Variants in SLC12A6 observed in about 807,000 individuals in gnomAD.
SLC12A6 encodes solute carrier family 12 member 6.
In SLC12A6, 66 loss-of-function variants were observed where a neutral mutation model predicts 135.3. The observed-to-expected ratio is 0.49, with a 90% confidence interval of 0.40 to 0.60. The LOEUF (loss-of-function observed/expected upper bound fraction) is 0.60. SLC12A6 is among the 20% of genes least tolerant of loss of function. The pLI, the probability that SLC12A6 is intolerant of heterozygous loss-of-function variation, is 0.00. For synonymous variants in SLC12A6, 513 were observed against 508.8 expected, an observed-to-expected ratio of 1.01 and a Z score of -0.11; for missense variants, 1,058 against 1,452.3, an observed-to-expected ratio of 0.73 and a Z score of 4.41.
intron 4 of SLC12A6, 31 bp from the exon 5 acceptor site, chr15:34,258,975 C>G: frequency 6.4e-7 from 1 of 1,568,146 alleles, no homozygotes; most frequent in Non-Finnish European, 8.8e-7. Context: ...AAGAAATGAG[C>G]TACAAAGAAC....
At chr15:34,279,170 C>T (rs1420304822) in intron 2 of SLC12A6, among the ~76,000 whole-genome samples, 2 of 151,856 alleles carry the variant, frequency 1.3e-5, no homozygotes, top group Non-Finnish European at 2.9e-5. Flanking sequence ...CAAAAATTAG[C>T]TGGGCATGGT....
At chr15:34,301,866 A>G (rs1033345262) in intron 2 of SLC12A6, among the ~76,000 whole-genome samples, 4 of 152,252 alleles carry the variant, frequency 2.6e-5, no homozygotes, top group Admixed American at 2.6e-4. Flanking sequence ...TATGCTAAGA[A>G]TAAGTATTAG....
At chr15:34,278,203 G>A (rs1441531827) in intron 2 of SLC12A6, among the ~76,000 whole-genome samples, 1 of 152,128 alleles carries the variant, frequency 6.6e-6, no homozygotes, top group Non-Finnish European at 1.5e-5. Flanking sequence ...GAGGCGGGTG[G>A]ATCACCTGAG....
chr15:34,323,639 T>A (rs28827501), intron 2 of SLC12A6, among the ~76,000 whole-genome samples: 16,108 of 152,150 alleles, frequency 0.11, 1,075 homozygotes, highest in South Asian at 0.19. Flanking sequence ...CCAAAAAGGT[T>A]GGGGACTGCT....
chr15:34,333,929 G>A (rs1890029470), intron 2 of SLC12A6, among the ~76,000 whole-genome samples: 1 of 151,940 alleles, frequency 6.6e-6, no homozygotes, highest in South Asian at 2.1e-4. Context: ...AATTAGCCAG[G>A]TGTGGTGGTG....
chr15:34,242,902 C>T (rs946814731), intron 16 of SLC12A6, among the ~76,000 whole-genome samples: 4 of 152,000 alleles, frequency 2.6e-5, no homozygotes, highest in Admixed American at 6.5e-5. Flanking sequence ...TGGTGACGGG[C>T]GCCTGTAGTC....
intron 16 of SLC12A6, among the ~76,000 whole-genome samples, chr15:34,243,414 G>A (rs1477755727): frequency 6.6e-6 from 1 of 152,168 alleles, no homozygotes; most frequent in Non-Finnish European, 1.5e-5. Context: ...AAAGAGATGG[G>A]ATGGTAGCCA....
chr15:34,327,345 G>T (rs1261530150), intron 2 of SLC12A6, among the ~76,000 whole-genome samples: 1 of 152,072 alleles, frequency 6.6e-6, no homozygotes, highest in African/African-American at 2.4e-5. Context: ...AAATTAGCCA[G>T]CTGTAAAAAA....
At chr15:34,239,751 C>G (rs1459814267) in intron 19 of SLC12A6, among the ~76,000 whole-genome samples, 1 of 4,402 alleles carries the variant, frequency 2.3e-4, no homozygotes, top group Admixed American at 4.9e-3. Context: ...ACTCTTACTC[C>G]ACCCTGGGAA....
chr15:34,235,433 T>A lies in SLC12A6; in HGVS notation c.3228-119A>T. Reference sequence around the variant, plus strand: ...ACTATGGATAATCTGATAAAATGATTTTTTTTTTTTTTTTTTTTGAGAGGG... The same window carrying A: ...ACTATGGATAATCTGATAAAATGATATTTTTTTTTTTTTTTTTTGAGAGGG... On this transcript the variant is annotated intron_variant, in intron 24 of 25. Coordinates refer to ENST00000354181, the MANE Select transcript of SLC12A6 (RefSeq NM_001365088.1). 18 of 367,272 alleles carry A rather than the reference T, an allele frequency of 4.9e-5. No individual in the cohort carries two copies. The East Asian group carries it at 7.4e-4, about 15-fold the overall frequency. 22.8% of individuals were successfully genotyped at this position (367,272 alleles called of 1,614,324 possible).
rs746748331 is a variant in SLC12A6 at position 34,242,348 on chromosome 15, A to G, written c.2043-127T>C. 5.9e-6 allele frequency: 4 copies of G among 680,350 alleles called. No individual in the cohort carries two copies. The African/African-American group carries it at 7.3e-5, about 12-fold the overall frequency. The allele number at this position is 680,350 out of a possible 1,614,324, so 42.1% of individuals were successfully genotyped here. On this transcript the variant is annotated intron_variant, in intron 16 of 25. Coordinates refer to ENST00000354181, the MANE Select transcript of SLC12A6 (RefSeq NM_001365088.1). ...AAAACTTTGAAACTATTATAAATAG[A>G]ACTTTTGTAAAATGCAATAAAAATG...
At chr15:34,285,699 T>C (rs1038941330) in intron 2 of SLC12A6, among the ~76,000 whole-genome samples, 2 of 1,092 alleles carry the variant, frequency 1.8e-3, no homozygotes, top group South Asian at 0.05. Flanking sequence ...TATATGTGTG[T>C]GTGTGTGTGT....
chr15:34,262,975 GGTC>G (rs1477169461), intron 3 of SLC12A6, among the ~76,000 whole-genome samples: 1 of 152,166 alleles, frequency 6.6e-6, no homozygotes, highest in Admixed American at 6.5e-5. Flanking sequence ...GCTGGCTGGA[GGTC>G]TCTGGCTGGC....
At chr15:34,276,679 A>G (rs1023216710) in intron 2 of SLC12A6, among the ~76,000 whole-genome samples, 1 of 152,324 alleles carries the variant, frequency 6.6e-6, no homozygotes. Flanking sequence ...ACTAACCTCT[A>G]ACTGAAGTTA....
intron 13 of SLC12A6, among the ~76,000 whole-genome samples, chr15:34,249,449 C>G (rs900216508): frequency 6.6e-6 from 1 of 152,054 alleles, no homozygotes; most frequent in Non-Finnish European, 1.5e-5. Context: ...CACCTGTGGT[C>G]CCAGCTACTT....
intron 22 of SLC12A6, chr15:34,237,105 A>C (rs1310396716): frequency 2.1e-6 from 1 of 473,626 alleles, no homozygotes; most frequent in African/African-American, 2.0e-5. Flanking sequence ...TTTTTTTTAA[A>C]AGCCATGTGT....
At chr15:34,308,648 A>G (rs993890047) in intron 2 of SLC12A6, among the ~76,000 whole-genome samples, 1 of 151,108 alleles carries the variant, frequency 6.6e-6, no homozygotes, top group Non-Finnish European at 1.5e-5. Flanking sequence ...AAAAAAAAAA[A>G]AAAACAAACC....
chr15:34,280,192 C>T (rs907951256), intron 2 of SLC12A6, among the ~76,000 whole-genome samples: 2 of 152,154 alleles, frequency 1.3e-5, no homozygotes, highest in African/African-American at 4.8e-5. Flanking sequence ...CAATTTGAAG[C>T]AAATAAAGGC....
At chr15:34,287,851 T>A (rs866559438) in intron 2 of SLC12A6, among the ~76,000 whole-genome samples, 2 of 152,242 alleles carry the variant, frequency 1.3e-5, no homozygotes, top group Non-Finnish European at 2.9e-5. Flanking sequence ...TAAATTTGTT[T>A]AAGTTCTTTG....
Sources: allele counts gnomAD v4.1 joint callset (sites outside exome capture counted in the v4.1 genomes callset), GRCh38; gene constraint gnomAD v4.1.1; transcripts MANE v1.5; gene names NCBI Gene and HGNC (gene_info 2026-07-23, HGNC 2026-07-21).